The following SORCS2 variants were observed in gnomAD, a reference collection of about 807,000 sequenced individuals.
SORCS2 encodes the protein sortilin related VPS10 domain containing receptor 2.
SORCS2 carries 100 observed loss-of-function variants against 141.6 expected under a neutral mutation model. The observed-to-expected ratio is 0.71, with a 90% CI of 0.60 to 0.83. SORCS2 has a LOEUF of 0.83. SORCS2 is among the 40% of genes least tolerant of loss of function. SORCS2 has a pLI of 0.00. For missense variants in SORCS2, 1,646 were observed against 1,560.2 expected (o/e 1.05, Z -0.93); for synonymous variants, 789 against 676.9 (o/e 1.17, Z -2.57).
chr4:7,552,353 C>T (rs904007442), intron 3 of SORCS2, among the ~76,000 whole-genome samples: 6 of 152,150 alleles, frequency 3.9e-5, no homozygotes, highest in Non-Finnish European at 8.8e-5. Context: ...GGCACCAGCA[C>T]TTTCAGCAGG....
rs1299104551 is a variant in SORCS2, at chr4:7,628,363, C to T, written c.649-9965C>T. Among the ~76,000 whole-genome samples the T allele has an allele frequency of 2.0e-5, 3 of 151,984 alleles. No individual in the cohort carries two copies. In the South Asian group the frequency reaches 6.2e-4, roughly 32 times the overall value. ...AGAAACCCCATCTCTACTAAAAATA[C>T]AAAAAATTAGCCTGGCGTGGTGGCG... On this transcript the variant is annotated intron_variant, in intron 3 of 26. Coordinates refer to ENST00000507866, the MANE Select transcript of SORCS2 (RefSeq NM_020777.3).
chr4:7,246,688 A>G (rs1227126191), intron 1 of SORCS2, among the ~76,000 whole-genome samples: 1 of 152,198 alleles, frequency 6.6e-6, no homozygotes, highest in Non-Finnish European at 1.5e-5. Flanking sequence ...GCCAGGTAGC[A>G]TCTGGAGGGA....
chr4:7,325,009 C>T (rs1040889636), intron 1 of SORCS2, among the ~76,000 whole-genome samples: 1 of 152,178 alleles, frequency 6.6e-6, no homozygotes, highest in Non-Finnish European at 1.5e-5. Flanking sequence ...GATGGGAGGG[C>T]AGAAGGCAGT....
chr4:7,527,478 C>T (rs570738849), intron 2 of SORCS2, among the ~76,000 whole-genome samples: 4 of 152,224 alleles, frequency 2.6e-5, no homozygotes, highest in East Asian at 3.9e-4. Context: ...CTCGGGGCCT[C>T]GGGGCGAGGA....
intron 1 of SORCS2, among the ~76,000 whole-genome samples, chr4:7,334,337 G>A (rs532623844): frequency 7.2e-5 from 11 of 151,868 alleles, no homozygotes; most frequent in African/African-American, 1.9e-4. Context: ...GGCACCTGGC[G>A]CTCCCCTACA....
intron 1 of SORCS2, among the ~76,000 whole-genome samples, chr4:7,235,165 A>C (rs1712177141): frequency 6.6e-6 from 1 of 152,208 alleles, no homozygotes; most frequent in Admixed American, 6.5e-5. Flanking sequence ...TACTAACAGC[A>C]GATAGGCGGG....
chr4:7,517,694 A>G (rs905614656), intron 2 of SORCS2, among the ~76,000 whole-genome samples: 1 of 152,212 alleles, frequency 6.6e-6, no homozygotes, highest in Non-Finnish European at 1.5e-5. Context: ...TTTTTTAAAA[A>G]GCTGCATGGA....
chr4:7,562,989 G>A (rs1044464048), intron 3 of SORCS2, among the ~76,000 whole-genome samples: 2 of 152,202 alleles, frequency 1.3e-5, no homozygotes, highest in African/African-American at 2.4e-5. Context: ...GAGGTTCGAG[G>A]TGAGCATAAA....
chr4:7,532,062 C>T (rs1251280911), intron 3 of SORCS2, among the ~76,000 whole-genome samples: 1 of 152,202 alleles, frequency 6.6e-6, no homozygotes, highest in East Asian at 1.9e-4. Context: ...CTGAGCTCTC[C>T]TTGCTGTTTC....
intron 1 of SORCS2, among the ~76,000 whole-genome samples, chr4:7,367,603 C>G (rs762704067): frequency 1.3e-5 from 2 of 152,182 alleles, no homozygotes; most frequent in Non-Finnish European, 2.9e-5. Context: ...CTGGGCTGTT[C>G]AGGCTGAGCT....
At chr4:7,320,559 T>C (rs12648239) in intron 1 of SORCS2, among the ~76,000 whole-genome samples, 63,457 of 151,878 alleles carry the variant, frequency 0.42, 13,320 homozygotes, top group Middle Eastern at 0.51. Flanking sequence ...AGCTGATGTC[T>C]GCCAGACGGC....
chr4:7,348,078 A>T (rs1203862577), intron 1 of SORCS2, among the ~76,000 whole-genome samples: 1 of 148,706 alleles, frequency 6.7e-6, no homozygotes, highest in African/African-American at 2.5e-5. Context: ...ATTTACTAAG[A>T]TTAGCAATAA....
intron 3 of SORCS2, among the ~76,000 whole-genome samples, chr4:7,581,203 G>T (rs990491941): frequency 1.3e-5 from 2 of 149,978 alleles, no homozygotes; most frequent in Non-Finnish European, 3.0e-5. Flanking sequence ...AGGAAAAAGG[G>T]TATTAAAACT....
Position 7,443,587 on chromosome 4 carries a change from C to T in SORCS2, c.548+47232C>T, listed in dbSNP as rs191897853. Among the ~76,000 whole-genome samples, 349 of 152,326 alleles carry T rather than the reference C, an allele frequency of 2.3e-3. 1 individual carries two copies. Among genetic ancestry groups the T allele is most frequent in the Non-Finnish European group, 3.7e-3 (253 of 68,028 alleles). ...ACTCCAGACATTTAGAAGCCGTGTCCTAAGGCTTAGCCTTATCATAAGGTG... is the reference window on the plus strand; with the variant it reads ...ACTCCAGACATTTAGAAGCCGTGTCTTAAGGCTTAGCCTTATCATAAGGTG... On this transcript the variant is annotated intron_variant, in intron 2 of 26. Coordinates refer to ENST00000507866, the MANE Select transcript of SORCS2 (RefSeq NM_020777.3).
At chr4:7,331,486 A>G (rs1719653324) in intron 1 of SORCS2, among the ~76,000 whole-genome samples, 2 of 152,154 alleles carry the variant, frequency 1.3e-5, no homozygotes, top group African/African-American at 4.8e-5. Context: ...CGGTCCCCTA[A>G]GAGACCCTGG....
Position 7,734,317 on chromosome 4 carries a change from T to G in SORCS2, c.3254T>G (p.Val1085Gly), listed in dbSNP as rs1304808733. 1 of 1,602,370 alleles carries G rather than the reference T, an allele frequency of 6.2e-7. No individual in the cohort carries two copies. The highest frequency in any genetic ancestry group is 2.3e-5 in the East Asian group (1 of 44,404). Residue 1085 changes from valine to glycine, a missense_variant, in exon 25 of 27, where the codon GTG becomes GGG. Physicochemically the swap from Val to Gly is moderately radical, Grantham distance 109. Transcript: ENST00000507866. ...GGGGGYWAVV[V>G]LFVIGLFAAG... Reference sequence around the variant, plus strand: ...GGTGGCGGCTACTGGGCGGTAGTGGTGCTGTTTGTCATCGGGCTCTTCGCA... The same window carrying G: ...GGTGGCGGCTACTGGGCGGTAGTGGGGCTGTTTGTCATCGGGCTCTTCGCA...
rs981050335 is a variant in SORCS2 at position 7,728,477 on chromosome 4, C to T, written c.2982+15C>T. On this transcript the variant is annotated intron_variant, in intron 22 of 26. Transcript: ENST00000507866. ...TGCTCTCCAAGGTGTCCACCCAGAG[C>T]CTAGAGCCTCCCCAGCCCCACGGTG... The T allele has an allele frequency of 6.3e-7, 1 of 1,582,838 alleles. No individual in the cohort carries two copies. Among genetic ancestry groups the T allele is most frequent in the Non-Finnish European group, 8.6e-7 (1 of 1,159,308 alleles).
At chr4:7,439,090 G>T (rs1727487160) in intron 2 of SORCS2, among the ~76,000 whole-genome samples, 1 of 152,032 alleles carries the variant, frequency 6.6e-6, no homozygotes, top group South Asian at 2.1e-4. Context: ...TGTGCTCATT[G>T]CTCCTGTGCT....
chr4:7,386,560 GCACATGCACA>G (rs1360480002), intron 1 of SORCS2, among the ~76,000 whole-genome samples: 13 of 66,264 alleles, frequency 2.0e-4, no homozygotes, highest in East Asian at 4.5e-4. Flanking sequence ...AGATACACAC[GCACATGCACA>G]CACATGCACA....
Sources: allele counts gnomAD v4.1 joint callset (sites outside exome capture counted in the v4.1 genomes callset), GRCh38; gene constraint gnomAD v4.1.1; transcripts MANE v1.5; gene names NCBI Gene and HGNC (gene_info 2026-07-23, HGNC 2026-07-21).